DLGAP4: variants seen among roughly 807,000 people sequenced by gnomAD.
The protein encoded by DLGAP4 is DLG associated protein 4.
In DLGAP4, 18 loss-of-function variants were observed where a neutral mutation model predicts 86.9. The observed-to-expected ratio is 0.21, with a 90% CI of 0.14 to 0.31. The LOEUF (loss-of-function observed/expected upper bound fraction) is 0.31, where lower values mean the gene tolerates loss of function less well. DLGAP4 is among the 10% of genes least tolerant of loss of function. The probability of loss-of-function intolerance (pLI) is 1.00; values close to 1 mark genes in which losing one functional copy is unlikely to be tolerated. For missense variants in DLGAP4, 1,085 were observed against 1,362.6 expected, an observed-to-expected ratio of 0.80 and a Z score of 3.21; for synonymous variants, 548 against 574.3, an observed-to-expected ratio of 0.95 and a Z score of 0.65.
intron 2 of DLGAP4, among the ~76,000 whole-genome samples, chr20:36,409,891 G>A (rs1422861998): frequency 9.3e-5 from 14 of 150,090 alleles, no homozygotes; most frequent in East Asian, 3.9e-4. Flanking sequence ...AAAATTAGCC[G>A]GGTATGGTGG....
chr20:36,497,143 C>G, intron 8 of DLGAP4, 77 bp downstream of exon 8: 1 of 1,513,408 alleles, frequency 6.6e-7, no homozygotes, highest in Non-Finnish European at 8.8e-7. Flanking sequence ...CTGGTAGAGG[C>G]CCACTAGGTC....
chr20:36,499,551 T>A, intron 8 of DLGAP4, 37 bp from the exon 9 acceptor site: 2 of 1,599,112 alleles, frequency 1.3e-6, no homozygotes, highest in Non-Finnish European at 1.7e-6. Context: ...TTTTTGTCTT[T>A]GTCTCCGTGC....
intron 7 of DLGAP4, among the ~76,000 whole-genome samples, chr20:36,470,925 C>CT (rs2034633315): frequency 6.6e-6 from 1 of 152,170 alleles, no homozygotes; most frequent in East Asian, 1.9e-4. Context: ...GTAAACAGTG[C>CT]TGCAGTGAAC....
intron 1 of DLGAP4, among the ~76,000 whole-genome samples, chr20:36,346,521 A>T (rs1212361789): frequency 6.6e-6 from 1 of 152,306 alleles, no homozygotes; most frequent in East Asian, 1.9e-4. Flanking sequence ...GGGGGAACAG[A>T]GCCCACAAAG....
At chr20:36,347,668 T>A (rs539583417) in intron 1 of DLGAP4, among the ~76,000 whole-genome samples, 3 of 151,226 alleles carry the variant, frequency 2.0e-5, no homozygotes, top group East Asian at 1.9e-4. Flanking sequence ...CACAAAAAAA[T>A]TTTAAAAATT....
chr20:36,461,518 C>CCCGCCGCTGGCCG lies in DLGAP4; in HGVS notation c.1648+14589_1648+14601dup, dbSNP rs1555905992. ...GCTGCGTGAGGGAGGAGGGTGAGTG[C>CCCGCCGCTGGCCG]CCGCCGCTGGCCGCCGCCGCCGCCG... is the stretch of plus-strand genomic sequence containing the variant. On this transcript the variant is annotated intron_variant, in intron 7 of 12. Coordinates refer to ENST00000339266, the MANE Select transcript of DLGAP4 (RefSeq NM_001365621.2). The CCCGCCGCTGGCCG allele has an allele frequency of 4.0e-5, 39 of 983,572 alleles. No individual in the cohort carries two copies. The African/African-American group carries it at 4.2e-4, about 11-fold the overall frequency. The allele number at this position is 983,572 out of a possible 1,614,324, so 60.9% of individuals were successfully genotyped here. A position where few individuals can be genotyped will look rare whatever the true frequency, so the allele number is the denominator to read the frequency against.
intron 2 of DLGAP4, among the ~76,000 whole-genome samples, chr20:36,391,173 C>T (rs945515771): frequency 1.3e-5 from 2 of 152,302 alleles, no homozygotes; most frequent in Non-Finnish European, 2.9e-5. Flanking sequence ...CCCCGACACC[C>T]TGGCCTCAGC....
chr20:36,310,948 T>G (rs1176870181), intron 1 of DLGAP4, among the ~76,000 whole-genome samples: 1 of 152,178 alleles, frequency 6.6e-6, no homozygotes, highest in Non-Finnish European at 1.5e-5. Flanking sequence ...GCTTTGTGAC[T>G]CACATGACTA....
rs112014857 is a variant in DLGAP4, at chr20:36,446,732, G to A, written c.1443G>A (p.Ala481=). ...REAELSDQYE[A]ACESACSEAE... ...CAGAGCTGAGTGACCAGTATGAGGC[G>A]GCCTGCGAGTCAGCCTGCAGTGAAG... is the stretch of plus-strand genomic sequence containing the variant. Residue 481 remains alanine, a synonymous_variant, in exon 7 of 13, where the codon GCG becomes GCA. Transcript: ENST00000339266. The A allele has an allele frequency of 2.3e-5, 37 of 1,611,524 alleles. No individual in the cohort carries two copies. The highest frequency in any genetic ancestry group is 1.1e-4 in the African/African-American group (8 of 75,000).
At chr20:36,499,350 T>TCCCCCCCCCCCCC in intron 8 of DLGAP4, 3 of 1,544,992 alleles carry the variant, frequency 1.9e-6, no homozygotes, top group South Asian at 1.1e-5. Flanking sequence ...CTCCACCCCA[T>TCCCCCCCCCCCCC]CCCACCTCCC....
chr20:36,363,830 C>A (rs2030599021), intron 1 of DLGAP4, among the ~76,000 whole-genome samples: 1 of 152,196 alleles, frequency 6.6e-6, no homozygotes, highest in Non-Finnish European at 1.5e-5. Context: ...ATTTCTGGAG[C>A]ACCTCCTGTG....
intron 10 of DLGAP4, among the ~76,000 whole-genome samples, chr20:36,502,056 AT>A (rs1378303458): frequency 6.6e-6 from 1 of 152,110 alleles, no homozygotes; most frequent in Non-Finnish European, 1.5e-5. Flanking sequence ...GACTGATTAT[AT>A]TTCCTCTTTA....
chr20:36,364,707 T>G (rs578110854), intron 1 of DLGAP4, among the ~76,000 whole-genome samples: 66 of 152,282 alleles, frequency 4.3e-4, no homozygotes, highest in African/African-American at 1.6e-3. Context: ...GCATCACATT[T>G]CAAAGTTCAT....
At chr20:36,418,697 C>T (rs759814379) in intron 2 of DLGAP4, among the ~76,000 whole-genome samples, 5 of 152,058 alleles carry the variant, frequency 3.3e-5, no homozygotes, top group Non-Finnish European at 7.4e-5. Flanking sequence ...GCCCTGTGTT[C>T]AGAGTTCACT....
intron 7 of DLGAP4, among the ~76,000 whole-genome samples, chr20:36,447,596 T>C (rs1424602595): frequency 1.3e-5 from 2 of 152,024 alleles, no homozygotes; most frequent in East Asian, 3.9e-4. Flanking sequence ...AATTTTTGTA[T>C]TTTTAGTAGA....
At chr20:36,484,144 T>C (rs964790404) in intron 7 of DLGAP4, among the ~76,000 whole-genome samples, 22 of 152,326 alleles carry the variant, frequency 1.4e-4, no homozygotes, top group South Asian at 4.1e-4. Context: ...CAGGGGTTTT[T>C]TGTTTGTTTA....
chr20:36,498,144 G>A (rs185359842), intron 8 of DLGAP4: 3 of 152,406 alleles, frequency 2.0e-5, no homozygotes, highest in African/African-American at 7.2e-5. Flanking sequence ...GGGACACAAA[G>A]TGGAGCTTGA....
intron 2 of DLGAP4, among the ~76,000 whole-genome samples, chr20:36,383,688 C>T (rs543002399): frequency 1.9e-3 from 293 of 152,108 alleles, no homozygotes; most frequent in Non-Finnish European, 3.3e-3. Flanking sequence ...AGAAATAGAC[C>T]TGGAAGGCCG....
chr20:36,311,838 TA>T (rs2065056382), intron 1 of DLGAP4, among the ~76,000 whole-genome samples: 1 of 152,222 alleles, frequency 6.6e-6, no homozygotes, highest in Admixed American at 6.5e-5. Context: ...GCTTTGGACG[TA>T]AGTCAGTTAG....
Sources: gnomAD v4.1 joint callset for allele counts (sites outside exome capture counted in the v4.1 genomes callset) on GRCh38, gnomAD v4.1.1 for gene constraint, MANE v1.5 for transcripts, NCBI Gene and HGNC (gene_info 2026-07-23, HGNC 2026-07-21) for gene names.